The following ESR2 variants were observed in gnomAD, a reference collection of about 807,000 sequenced individuals.
The protein encoded by ESR2 is estrogen receptor beta.
In ESR2, 36 loss-of-function variants were observed where a neutral mutation model predicts 49.6. That is an observed-to-expected ratio of 0.73 (90% confidence interval 0.56 to 0.96). The LOEUF is 0.96. ESR2 is among the 40% of genes least tolerant of loss of function. ESR2 has a pLI of 0.00. For synonymous variants in ESR2, 320 were observed against 266.1 expected (o/e 1.20, Z -1.97); for missense variants, 714 against 693.0 (o/e 1.03, Z -0.34).
intron 2 of ESR2, 42 bp from the exon 3 acceptor site, chr14:64,280,195 G>T: frequency 6.9e-7 from 1 of 1,446,162 alleles, no homozygotes; most frequent in South Asian, 1.2e-5. Flanking sequence ...AGCATAAAAG[G>T]GAAAGGAAGG....
chr14:64,260,640 C>T lies in ESR2; in HGVS notation c.761G>A (p.Arg254Gln), dbSNP rs1449093053. 1.9e-6 allele frequency: 3 copies of T among 1,609,114 alleles called. No homozygotes were observed. The highest frequency in any genetic ancestry group is 3.4e-5 in the Admixed American group (2 of 59,398). Residue 254 changes from arginine to glutamine, a missense_variant, in exon 5 of 9, where the codon CGA (arginine) becomes CAA (glutamine). Arg to Gln is a conservative substitution (Grantham distance 43, BLOSUM62 1). Transcript: ENST00000341099. ...KAKRSGGHAP[R>Q]VRELLLDALS... ...GGCGTCCAGCAGCAGCTCCCGCACTCGGGGCGCGTGGCCGCCACTTCTCTT... is the reference window on the plus strand; with the variant it reads ...GGCGTCCAGCAGCAGCTCCCGCACTTGGGGCGCGTGGCCGCCACTTCTCTT...
chr14:64,238,259 C>T (rs2140632428), intron 7 of ESR2, among the ~76,000 whole-genome samples: 2 of 152,270 alleles, frequency 1.3e-5, no homozygotes, highest in Middle Eastern at 6.8e-3. Flanking sequence ...CACAGCTCCA[C>T]CTGGGGCCCA....
intron 4 of ESR2, among the ~76,000 whole-genome samples, chr14:64,267,086 G>A (rs2076346208): frequency 6.6e-6 from 1 of 152,128 alleles, no homozygotes; most frequent in Non-Finnish European, 1.5e-5. Flanking sequence ...TCACCCTGTT[G>A]ACCAGGATGG....
intron 1 of ESR2, among the ~76,000 whole-genome samples, chr14:64,317,052 G>A (rs1009234547): frequency 3.9e-5 from 6 of 152,072 alleles, no homozygotes; most frequent in Admixed American, 3.9e-4. Flanking sequence ...ATCACTTGAG[G>A]TCAGGAGTTC....
chr14:64,255,811 T>TC (rs1291058560), intron 6 of ESR2, among the ~76,000 whole-genome samples: 1 of 152,238 alleles, frequency 6.6e-6, no homozygotes. Context: ...TCTCTGGTCT[T>TC]CCAGAGCCTC....
chr14:64,259,650 G>T (rs759239433), intron 5 of ESR2, among the ~76,000 whole-genome samples: 5 of 152,150 alleles, frequency 3.3e-5, no homozygotes, highest in East Asian at 1.9e-4. Flanking sequence ...GAAAACGCAG[G>T]TTCCAAGTGA....
chr14:64,243,650 T>G (rs1190686878), intron 7 of ESR2, among the ~76,000 whole-genome samples: 1 of 152,254 alleles, frequency 6.6e-6, no homozygotes, highest in Non-Finnish European at 1.5e-5. Context: ...GGCCCACTAC[T>G]GAGGCAATAC....
At chr14:64,289,234 C>T (rs868076186) in intron 1 of ESR2, among the ~76,000 whole-genome samples, 4 of 151,652 alleles carry the variant, frequency 2.6e-5, no homozygotes, top group Admixed American at 6.6e-5. Flanking sequence ...ATTCTGAGGC[C>T]GGGCGCAGTG....
chr14:64,338,080 G>C (rs1244812821), exon 1 of ESR2: 1 of 154,880 alleles, frequency 6.5e-6, no homozygotes, highest in Non-Finnish European at 1.5e-5. Context: ...CCTACGAGGA[G>C]GGAGCGTCCC....
chr14:64,266,940 G>A (rs2076342363), intron 4 of ESR2, among the ~76,000 whole-genome samples: 1 of 152,168 alleles, frequency 6.6e-6, no homozygotes. Context: ...GAGTGTAGTG[G>A]CGCGATCTCG....
At chr14:64,293,923 T>C (rs1567784858) in intron 1 of ESR2, 110 bp downstream of exon 1, 1 of 152,266 alleles carries the variant, frequency 6.6e-6, no homozygotes, top group Non-Finnish European at 1.5e-5. Context: ...CAGTTGGTTT[T>C]GGTGATCGTT....
At chr14:64,266,445 G>C (rs758191940) in intron 4 of ESR2, among the ~76,000 whole-genome samples, 4 of 152,198 alleles carry the variant, frequency 2.6e-5, no homozygotes, top group Non-Finnish European at 4.4e-5. Flanking sequence ...CAACCTCCAT[G>C]CTCTTCCCTG....
intron 1 of ESR2, among the ~76,000 whole-genome samples, chr14:64,311,232 A>G (rs961756236): frequency 3.3e-5 from 5 of 152,238 alleles, no homozygotes; most frequent in Admixed American, 2.0e-4. Flanking sequence ...CATTTAAAGG[A>G]GAACTTATAT....
At chr14:64,258,598 G>A (rs1052257283) in intron 5 of ESR2, among the ~76,000 whole-genome samples, 1 of 152,068 alleles carries the variant, frequency 6.6e-6, no homozygotes, top group East Asian at 1.9e-4. Flanking sequence ...TTACAGATGA[G>A]GAAACTACAG....
intron 1 of ESR2, among the ~76,000 whole-genome samples, chr14:64,289,207 A>G (rs1322041114): frequency 6.6e-6 from 1 of 151,852 alleles, no homozygotes; most frequent in East Asian, 1.9e-4. Flanking sequence ...GTGAAATGAG[A>G]TGATGTCTGT....
At chr14:64,293,740 T>G (rs2076908594) in intron 1 of ESR2, among the ~76,000 whole-genome samples, 1 of 152,232 alleles carries the variant, frequency 6.6e-6, no homozygotes, top group Non-Finnish European at 1.5e-5. Flanking sequence ...TCACCCATAG[T>G]GGGGAAGTCC....
chr14:64,266,419 TAG>T (rs1207382593), intron 4 of ESR2, among the ~76,000 whole-genome samples: 2 of 152,178 alleles, frequency 1.3e-5, no homozygotes, highest in African/African-American at 4.8e-5. Flanking sequence ...AAATGAAACA[TAG>T]ACTCTATGGG....
chr14:64,240,263 C>T (rs1277744279), intron 7 of ESR2, among the ~76,000 whole-genome samples: 3 of 151,540 alleles, frequency 2.0e-5, no homozygotes, highest in Non-Finnish European at 4.4e-5. Flanking sequence ...AGACCATCGT[C>T]AGACAGCCCA....
chr14:64,314,569 T>C (rs2077228846), intron 1 of ESR2, among the ~76,000 whole-genome samples: 1 of 151,660 alleles, frequency 6.6e-6, no homozygotes, highest in Admixed American at 6.6e-5. Flanking sequence ...AACAAAGAAC[T>C]GGTTCTTTTG....
Sources: gnomAD v4.1 joint callset for allele counts (sites outside exome capture counted in the v4.1 genomes callset) on GRCh38, gnomAD v4.1.1 for gene constraint, MANE v1.5 for transcripts, NCBI Gene and HGNC (gene_info 2026-07-23, HGNC 2026-07-21) for gene names.